The following FDX1 variants were observed in gnomAD, a reference collection of about 807,000 sequenced individuals.
FDX1 encodes adrenodoxin, mitochondrial.
A neutral mutation model predicts 14.9 loss-of-function variants in FDX1; 9 were observed. That is an observed-to-expected ratio of 0.60 (90% CI 0.36 to 1.05). FDX1 has a LOEUF of 1.05. FDX1 is among the 50% of genes least tolerant of loss of function. The pLI is 0.01. For synonymous variants in FDX1, 92 were observed against 99.4 expected (o/e 0.93, Z 0.44); for missense variants, 204 against 237.2 (o/e 0.86, Z 0.92).
At chr11:110,456,042 A>G (rs149956253) in intron 2 of FDX1, among the ~76,000 whole-genome samples, 285 of 152,296 alleles carry the variant, frequency 1.9e-3, no homozygotes, top group African/African-American at 6.3e-3. Flanking sequence ...TACGATATGT[A>G]TTCAGTAAAC....
At chr11:110,459,912 C>T (rs1425825784) in intron 3 of FDX1, among the ~76,000 whole-genome samples, 1 of 152,214 alleles carries the variant, frequency 6.6e-6, no homozygotes, top group Non-Finnish European at 1.5e-5. Context: ...TTTCTGTGTT[C>T]CCATAACAGA....
intron 3 of FDX1, among the ~76,000 whole-genome samples, chr11:110,458,770 G>A (rs567950588): frequency 4.6e-5 from 7 of 152,076 alleles, no homozygotes; most frequent in South Asian, 4.2e-4. Flanking sequence ...ACCATGCCCC[G>A]CTAATTTTTG....
intron 2 of FDX1, among the ~76,000 whole-genome samples, chr11:110,439,121 G>T (rs150878631): frequency 7.4e-4 from 112 of 152,132 alleles, no homozygotes; most frequent in African/African-American, 2.5e-3. Context: ...GGCCAGGCTG[G>T]TCTGGAACTC....
At chr11:110,454,484 A>G (rs1240050027) in intron 2 of FDX1, among the ~76,000 whole-genome samples, 1 of 152,216 alleles carries the variant, frequency 6.6e-6, no homozygotes, top group Admixed American at 6.5e-5. Flanking sequence ...CGGTACAATA[A>G]TTATTAGTTG....
In FDX1 at chr11:110,430,147, G is replaced by GCTGCGCGCCGCTT; in HGVS notation, c.32_44dup (p.Val16ArgfsTer55). The GCTGCGCGCCGCTT allele has an allele frequency of 8.0e-7, 1 of 1,242,254 alleles. No homozygotes were observed. The highest frequency in any genetic ancestry group is 1.0e-6 in the Non-Finnish European group (1 of 996,454). The allele number at this position is 1,242,254 out of a possible 1,614,324, so 77.0% of individuals were successfully genotyped here. ...TGGCTGCCGCTGGGGGCGCCCGGCT[G>GCTGCGCGCCGCTT]CTGCGCGCCGCTTCTGCTGTCCTCG... On this transcript the variant is annotated frameshift_variant, in exon 1 of 4. Coordinates refer to ENST00000260270, the MANE Select transcript of FDX1 (RefSeq NM_004109.5). LOFTEE classifies it high-confidence loss of function.
intron 2 of FDX1, among the ~76,000 whole-genome samples, chr11:110,442,901 T>C (rs1946413598): frequency 6.6e-6 from 1 of 152,118 alleles, no homozygotes; most frequent in Non-Finnish European, 1.5e-5. Context: ...TAATTGAATC[T>C]TGGGGGCAGG....
chr11:110,452,575 T>C (rs576128624), intron 2 of FDX1, among the ~76,000 whole-genome samples: 5 of 151,788 alleles, frequency 3.3e-5, no homozygotes, highest in African/African-American at 1.2e-4. Context: ...CTAATGGTGA[T>C]GTCATACTCC....
At chr11:110,445,093 T>G (rs1757459094) in intron 2 of FDX1, among the ~76,000 whole-genome samples, 1 of 152,130 alleles carries the variant, frequency 6.6e-6, no homozygotes, top group Admixed American at 6.5e-5. Flanking sequence ...ATTATTTGCT[T>G]ATTTTTCTGA....
chr11:110,440,876 G>A (rs774263448), intron 2 of FDX1, among the ~76,000 whole-genome samples: 5 of 152,198 alleles, frequency 3.3e-5, no homozygotes, highest in South Asian at 4.1e-4. Context: ...TTGGTGAAGG[G>A]TAATGGAAAA....
chr11:110,456,860 C>T, intron 2 of FDX1, 58 bp from the exon 3 acceptor site: 3 of 1,522,140 alleles, frequency 2.0e-6, no homozygotes, highest in Non-Finnish European at 2.7e-6. Context: ...TTTACTGAAC[C>T]AGGTATGAAT....
chr11:110,455,261 A>G (rs60972210), intron 2 of FDX1, among the ~76,000 whole-genome samples: 1,729 of 151,886 alleles, frequency 0.011, 32 homozygotes, highest in African/African-American at 0.039. Context: ...CGGCCTCCCG[A>G]AGTGCTGGGA....
chr11:110,462,252 C>T, intron 3 of FDX1, 102 bp from the exon 4 acceptor site: 1 of 564,124 alleles, frequency 1.8e-6, no homozygotes, highest in Admixed American at 3.1e-5. Flanking sequence ...AGTTCCCTGA[C>T]TGCTTTGGGT....
intron 2 of FDX1, among the ~76,000 whole-genome samples, chr11:110,444,737 T>TACATAC (rs1330690622): frequency 1.5e-5 from 1 of 66,614 alleles, no homozygotes; most frequent in African/African-American, 7.4e-5. Context: ...TATATATATA[T>TACATAC]ATATATACAC....
intron 1 of FDX1, among the ~76,000 whole-genome samples, chr11:110,432,674 G>C (rs1199932116): frequency 1.3e-5 from 2 of 152,102 alleles, no homozygotes; most frequent in Non-Finnish European, 2.9e-5. Flanking sequence ...TCACTATGTT[G>C]ACCAGCCTGG....
At chr11:110,440,575 T>C (rs1043255140) in intron 2 of FDX1, among the ~76,000 whole-genome samples, 6 of 152,242 alleles carry the variant, frequency 3.9e-5, no homozygotes, top group Non-Finnish European at 8.8e-5. Context: ...ATTGTTTGTG[T>C]GCATTGGAAG....
chr11:110,460,304 G>A (rs938337373), intron 3 of FDX1, among the ~76,000 whole-genome samples: 1 of 152,166 alleles, frequency 6.6e-6, no homozygotes, highest in African/African-American at 2.4e-5. Flanking sequence ...TTGCTCACCA[G>A]TGAAACACAG....
intron 2 of FDX1, among the ~76,000 whole-genome samples, chr11:110,444,463 A>G (rs907023170): frequency 6.6e-6 from 1 of 151,304 alleles, no homozygotes; most frequent in Non-Finnish European, 1.5e-5. Flanking sequence ...TAAAAATACA[A>G]AAATTAGCCA....
chr11:110,430,433 C>T (rs1591244561), intron 1 of FDX1, 128 bp downstream of exon 1: 1 of 550,728 alleles, frequency 1.8e-6, no homozygotes, highest in Non-Finnish European at 2.6e-6. Flanking sequence ...GGAGGCCTGC[C>T]TCTCGCCCCC....
At chr11:110,443,397 C>T (rs1397381905) in intron 2 of FDX1, among the ~76,000 whole-genome samples, 5 of 149,356 alleles carry the variant, frequency 3.3e-5, no homozygotes, top group African/African-American at 1.2e-4. Context: ...CCCACCACAT[C>T]ATTTAACATG....
Sources: allele counts gnomAD v4.1 joint callset (sites outside exome capture counted in the v4.1 genomes callset), GRCh38; gene constraint gnomAD v4.1.1; transcripts MANE v1.5; gene names NCBI Gene and HGNC (gene_info 2026-07-23, HGNC 2026-07-21).